Variants in LARP1B observed in about 807,000 individuals in gnomAD.
The protein encoded by LARP1B is la-related protein 1B.
In LARP1B, 76 loss-of-function variants were observed where a neutral mutation model predicts 114.2. That is an observed-to-expected ratio of 0.67 (90% CI 0.55 to 0.81). LARP1B has a LOEUF of 0.81. LARP1B is among the 30% of genes least tolerant of loss of function. LARP1B has a pLI of 0.00. For synonymous variants in LARP1B, 345 were observed against 348.0 expected (o/e 0.99, Z 0.10); for missense variants, 1,014 against 1,075.8 (o/e 0.94, Z 0.80).
At chr4:128,179,950 T>C (rs1245929335) in intron 15 of LARP1B, among the ~76,000 whole-genome samples, 1 of 152,126 alleles carries the variant, frequency 6.6e-6, no homozygotes, top group African/African-American at 2.4e-5. Flanking sequence ...TAAGATTAGC[T>C]GATTATTAGC....
chr4:128,107,430 A>C (rs1782493928), intron 9 of LARP1B, 117 bp downstream of exon 9: 2 of 1,518,072 alleles, frequency 1.3e-6, no homozygotes, highest in African/African-American at 1.4e-5. Flanking sequence ...AAGCTAACTG[A>C]AAGACTTTTG....
At chr4:128,141,680 G>A (rs1351235646) in intron 11 of LARP1B, among the ~76,000 whole-genome samples, 1 of 152,164 alleles carries the variant, frequency 6.6e-6, no homozygotes, top group East Asian at 1.9e-4. Flanking sequence ...ACTTAGCTTT[G>A]TGGTATTTGA....
rs186575554 is a variant in LARP1B, at chr4:128,211,433, A to G, written c.*1380A>G. On this transcript the variant is annotated 3_prime_UTR_variant, in exon 20 of 20. Coordinates refer to ENST00000326639, the MANE Select transcript of LARP1B (RefSeq NM_018078.4). ...ATGGATGGGCTGTTAATTTGTAAATAGGTTTTCATTAAGTTATTTCTCATG... is the reference window on the plus strand; with the variant it reads ...ATGGATGGGCTGTTAATTTGTAAATGGGTTTTCATTAAGTTATTTCTCATG... 5 of 916,794 alleles carry G rather than the reference A, an allele frequency of 5.5e-6. No homozygotes were observed. In the African/African-American group the frequency reaches 8.9e-5, roughly 16 times the overall value. The allele number at this position is 916,794 out of a possible 1,614,324, so 56.8% of individuals were successfully genotyped here. A position where few individuals can be genotyped will look rare whatever the true frequency, so the allele number is the denominator to read the frequency against.
At chr4:128,135,933 T>C (rs1793219215) in intron 11 of LARP1B, among the ~76,000 whole-genome samples, 2 of 152,014 alleles carry the variant, frequency 1.3e-5, no homozygotes, top group African/African-American at 2.4e-5. Context: ...TTTTTTAACA[T>C]TATTAAAAAT....
chr4:128,122,394 C>G (rs1156998384), intron 11 of LARP1B: 5 of 1,472,250 alleles, frequency 3.4e-6, no homozygotes, highest in Non-Finnish European at 4.5e-6. Context: ...GTGATGAATA[C>G]TGTAATTACA....
At chr4:128,072,651 G>A (rs2149362985) in intron 1 of LARP1B, among the ~76,000 whole-genome samples, 1 of 152,126 alleles carries the variant, frequency 6.6e-6, no homozygotes, top group South Asian at 2.1e-4. Flanking sequence ...TCACCTCCTG[G>A]ATTCAAGTGA....
intron 15 of LARP1B, among the ~76,000 whole-genome samples, chr4:128,181,973 C>CT (rs924741991): frequency 2.8e-4 from 41 of 146,430 alleles, no homozygotes; most frequent in Non-Finnish European, 4.5e-4. Context: ...GCCTGGCTAA[C>CT]TTTTTTTTTT....
chr4:128,221,279 T>C (rs1341589149), intron 7 of LARP1B, among the ~76,000 whole-genome samples: 3 of 152,208 alleles, frequency 2.0e-5, no homozygotes, highest in Non-Finnish European at 4.4e-5. Context: ...GAGCATTTTA[T>C]TTAGAATTTG....
At chr4:128,125,821 T>G (rs1403208121) in intron 11 of LARP1B, among the ~76,000 whole-genome samples, 1 of 152,110 alleles carries the variant, frequency 6.6e-6, no homozygotes, top group African/African-American at 2.4e-5. Flanking sequence ...AGGAAAAAAT[T>G]GGGCTAGAAG....
At chr4:128,114,426 G>GA in intron 9 of LARP1B, 144 bp from the exon 10 acceptor site, 1 of 643,146 alleles carries the variant, frequency 1.6e-6, no homozygotes, top group Non-Finnish European at 2.7e-6. Context: ...CTTCAGGTTT[G>GA]AAAATCACTG....
intron 3 of LARP1B, among the ~76,000 whole-genome samples, chr4:128,077,567 T>C (rs1049217176): frequency 6.6e-6 from 1 of 150,432 alleles, no homozygotes; most frequent in East Asian, 2.0e-4. Context: ...TGAAAGTTCA[T>C]ATGTATTTGA....
In LARP1B at chr4:128,100,633, T is replaced by G. The variant is rs1461964918; in HGVS notation, c.813+2303T>G. On this transcript the variant is annotated intron_variant, in intron 8 of 19. Transcript: ENST00000326639. ...AAGTTGTTAGCAGTTTTTCATGTGCTTTTTTGTCTGCATACCTTATTAGTG... is the reference window on the plus strand; with the variant it reads ...AAGTTGTTAGCAGTTTTTCATGTGCGTTTTTGTCTGCATACCTTATTAGTG... Among the ~76,000 whole-genome samples the G allele has an allele frequency of 2.0e-5, 3 of 151,444 alleles. No homozygotes were observed. The East Asian group carries it at 5.8e-4, about 29-fold the overall frequency.
In LARP1B at chr4:128,098,246, T is replaced by G. The variant is rs766715111; in HGVS notation, c.729T>G (p.Asp243Glu). ...ACTTCTTTCTTCGGGGAAAGATGGATGAACAAGGTTTCTTGCCTATTTCCC... is the reference window on the plus strand; with the variant it reads ...ACTTCTTTCTTCGGGGAAAGATGGAGGAACAAGGTTTCTTGCCTATTTCCC... Reference protein sequence around the residue: ...ERDFFLRGKMDEQGFLPISLI... With the variant: ...ERDFFLRGKMEEQGFLPISLI... The change falls in exon 8 of 20, where the codon GAT (aspartate) becomes GAG (glutamate). Residue 243 changes from aspartate to glutamate, a missense_variant. Asp to Glu is a conservative substitution (Grantham distance 45). Coordinates refer to ENST00000326639, the MANE Select transcript of LARP1B (RefSeq NM_018078.4). 6.2e-7 allele frequency: 1 copy of G among 1,613,740 alleles called. No individual in the cohort carries two copies. Among genetic ancestry groups the G allele is most frequent in the Admixed American group, 1.7e-5 (1 of 60,024 alleles).
At chr4:128,076,026 T>A (rs2149400332) in intron 3 of LARP1B, among the ~76,000 whole-genome samples, 1 of 152,240 alleles carries the variant, frequency 6.6e-6, no homozygotes. Flanking sequence ...GTTATATTCT[T>A]TTTTTGAGAC....
At chr4:128,170,549 G>A (rs975622067) in intron 12 of LARP1B, among the ~76,000 whole-genome samples, 3 of 152,110 alleles carry the variant, frequency 2.0e-5, no homozygotes, top group Non-Finnish European at 4.4e-5. Flanking sequence ...GGTATATTGT[G>A]TCATCTTGGT....
chr4:128,113,111 ATGT>A lies in LARP1B; in HGVS notation c.989-1457_989-1455del, dbSNP rs1448837256. 3.3e-5 allele frequency among the ~76,000 whole-genome samples: 5 copies of A among 152,292 alleles called. No homozygotes were observed. The South Asian group carries it at 6.2e-4, about 19-fold the overall frequency. On this transcript the variant is annotated intron_variant, in intron 9 of 19. Coordinates refer to ENST00000326639, the MANE Select transcript of LARP1B (RefSeq NM_018078.4). Reference sequence around the variant, plus strand: ...GTGAATTGACTTAGAGGAGTTAATGATGTTAAGAATTTTATGGTATACATTTTT... The same window carrying A: ...GTGAATTGACTTAGAGGAGTTAATGATAAGAATTTTATGGTATACATTTTT...
chr4:128,091,655 G>A (rs1160801578), intron 7 of LARP1B, 143 bp downstream of exon 7: 2 of 583,332 alleles, frequency 3.4e-6, no homozygotes, highest in African/African-American at 3.9e-5. Flanking sequence ...GGAGTGTAGT[G>A]GTACGATCTT....
chr4:128,088,423 C>G (rs1352267792), intron 5 of LARP1B, among the ~76,000 whole-genome samples: 1 of 152,038 alleles, frequency 6.6e-6, no homozygotes, highest in Non-Finnish European at 1.5e-5. Context: ...ATTCAGCCTA[C>G]TTTTCTTTAG....
chr4:128,109,153 A>G (rs749440206), intron 9 of LARP1B, among the ~76,000 whole-genome samples: 3 of 152,178 alleles, frequency 2.0e-5, no homozygotes, highest in Non-Finnish European at 4.4e-5. Flanking sequence ...TGACCTTAAT[A>G]ATTTCCTAGT....
Sources: gnomAD v4.1 joint callset for allele counts (sites outside exome capture counted in the v4.1 genomes callset) on GRCh38, gnomAD v4.1.1 for gene constraint, MANE v1.5 for transcripts, NCBI Gene and HGNC (gene_info 2026-07-23, HGNC 2026-07-21) for gene names.